The following TMEM132C variants were observed in gnomAD, a reference collection of about 807,000 sequenced individuals.
TMEM132C encodes protein phosphatase 1, regulatory subunit 152.
A neutral mutation model predicts 61.4 loss-of-function variants in TMEM132C; 29 were observed. The observed-to-expected ratio is 0.47, with a 90% CI of 0.35 to 0.64. TMEM132C has a LOEUF of 0.64. TMEM132C is among the 30% of genes least tolerant of loss of function. TMEM132C has a pLI of 0.00. For synonymous variants in TMEM132C, 656 were observed against 633.1 expected (o/e 1.04, Z -0.54); for missense variants, 1,408 against 1,476.9 (o/e 0.95, Z 0.76).
At chr12:128,659,244 C>T (rs1026165437) in intron 4 of TMEM132C, among the ~76,000 whole-genome samples, 1 of 152,062 alleles carries the variant, frequency 6.6e-6, no homozygotes, top group Non-Finnish European at 1.5e-5. Context: ...TAAAAACTTG[C>T]CATGGACAGG....
intron 1 of TMEM132C, among the ~76,000 whole-genome samples, chr12:128,321,723 G>C (rs1872341406): frequency 6.6e-6 from 1 of 152,216 alleles, no homozygotes. Flanking sequence ...CTATTATTTT[G>C]TAAGATGTCA....
At chr12:128,403,917 G>C (rs1875251355) in intron 1 of TMEM132C, among the ~76,000 whole-genome samples, 1 of 152,192 alleles carries the variant, frequency 6.6e-6, no homozygotes. Context: ...GATCAAGTTA[G>C]ATCAGGGTTT....
chr12:128,385,836 G>A lies in TMEM132C; in HGVS notation c.86-28896G>A, dbSNP rs188781476. Among the ~76,000 whole-genome samples the A allele has an allele frequency of 4.3e-3, 655 of 152,282 alleles. 1 individual carries two copies. Among genetic ancestry groups the A allele is most frequent in the Non-Finnish European group, 7.8e-3 (529 of 68,010 alleles). ...TCTGCGGCTCTGATTTGCCGCAGCC[G>A]CAAGTGAGAGTCATACACCAGTGAC... On this transcript the variant is annotated intron_variant, in intron 1 of 8. Transcript: ENST00000435159.
chr12:128,661,209 C>G (rs1015667410), intron 4 of TMEM132C, among the ~76,000 whole-genome samples: 20 of 152,216 alleles, frequency 1.3e-4, no homozygotes, highest in African/African-American at 4.3e-4. Flanking sequence ...TTCAGGGAAG[C>G]CTCAGCTCTG....
intron 1 of TMEM132C, among the ~76,000 whole-genome samples, chr12:128,397,877 C>T (rs879492561): frequency 8.5e-5 from 13 of 152,124 alleles, no homozygotes; most frequent in Non-Finnish European, 1.3e-4. Context: ...CAGCCTCCCA[C>T]GAGTTTGATA....
At chr12:128,453,691 G>A (rs529280714) in intron 2 of TMEM132C, among the ~76,000 whole-genome samples, 5 of 152,332 alleles carry the variant, frequency 3.3e-5, no homozygotes, top group East Asian at 3.9e-4. Context: ...GCAAACCAGC[G>A]CATGCAGGTT....
At chr12:128,481,454 C>G (rs1593068894) in intron 2 of TMEM132C, among the ~76,000 whole-genome samples, 1 of 152,228 alleles carries the variant, frequency 6.6e-6, no homozygotes, top group East Asian at 1.9e-4. Flanking sequence ...TTCCAGGGTG[C>G]TTGCCTGTCC....
chr12:128,456,278 CT>C (rs1275399780), intron 2 of TMEM132C, among the ~76,000 whole-genome samples: 1 of 147,940 alleles, frequency 6.8e-6, no homozygotes, highest in African/African-American at 2.5e-5. Context: ...TTTGCGTGGA[CT>C]TTTCTTGTTT....
chr12:128,377,699 C>G (rs1874241400), intron 1 of TMEM132C, among the ~76,000 whole-genome samples: 1 of 152,196 alleles, frequency 6.6e-6, no homozygotes, highest in African/African-American at 2.4e-5. Context: ...GGACACACCC[C>G]AGCATGTTTG....
At chr12:128,288,245 A>G (rs765859533) in intron 1 of TMEM132C, 2 of 151,796 alleles carry the variant, frequency 1.3e-5, no homozygotes, top group Non-Finnish European at 2.9e-5. Context: ...TTTAGTGGAG[A>G]TGGGGTTTCT....
At chr12:128,383,042 G>T (rs1874458718) in intron 1 of TMEM132C, among the ~76,000 whole-genome samples, 1 of 152,044 alleles carries the variant, frequency 6.6e-6, no homozygotes, top group African/African-American at 2.4e-5. Context: ...GTCTGTGTGT[G>T]TGCACGTGAG....
Position 128,551,385 on chromosome 12 carries a change from T to C in TMEM132C, c.1121+7282T>C, listed in dbSNP as rs144988661. The stretch of plus-strand genomic sequence containing the variant: ...CCTGAAACCATCTGTCTATAAACAC[T>C]CAGACCCAGGAAGACAGCTAGCACC... On this transcript the variant is annotated intron_variant, in intron 3 of 8. Transcript: ENST00000435159. Among the ~76,000 whole-genome samples, 280 of 152,094 alleles carry C rather than the reference T, an allele frequency of 1.8e-3. 2 individuals carry two copies. The highest frequency in any genetic ancestry group is 6.4e-3 in the African/African-American group (265 of 41,476).
At chr12:128,414,565 AG>A (rs1868686173) in intron 1 of TMEM132C, among the ~76,000 whole-genome samples, 166 bp from the exon 2 acceptor site, 1 of 152,196 alleles carries the variant, frequency 6.6e-6, no homozygotes, top group South Asian at 2.1e-4. Context: ...TGGACCATGT[AG>A]AATCGTTTAA....
chr12:128,509,274 C>A (rs1872492870), intron 2 of TMEM132C, among the ~76,000 whole-genome samples: 1 of 151,940 alleles, frequency 6.6e-6, no homozygotes, highest in Non-Finnish European at 1.5e-5. Context: ...GCTTTGAGTA[C>A]CTCAGTGTTT....
chr12:128,485,394 C>T (rs1871453019), intron 2 of TMEM132C, among the ~76,000 whole-genome samples: 1 of 152,162 alleles, frequency 6.6e-6, no homozygotes, highest in Non-Finnish European at 1.5e-5. Context: ...CCAGGCTGGT[C>T]TCGAACTCCT....
intron 1 of TMEM132C, among the ~76,000 whole-genome samples, chr12:128,399,422 A>C (rs778061344): frequency 4.6e-5 from 7 of 152,222 alleles, no homozygotes; most frequent in Admixed American, 6.5e-5. Flanking sequence ...CAATAGATAC[A>C]GCGAAACATT....
chr12:128,334,948 G>A (rs1872757893), intron 1 of TMEM132C, among the ~76,000 whole-genome samples: 1 of 152,090 alleles, frequency 6.6e-6, no homozygotes, highest in East Asian at 1.9e-4. Flanking sequence ...TCCTTTCAAT[G>A]TTACTTTGGC....
intron 3 of TMEM132C, among the ~76,000 whole-genome samples, chr12:128,584,789 G>C (rs902329423): frequency 6.6e-6 from 1 of 152,194 alleles, no homozygotes. Flanking sequence ...GTGCTCCACT[G>C]GGCGAGGGCC....
intron 3 of TMEM132C, among the ~76,000 whole-genome samples, chr12:128,569,962 T>C (rs945923727): frequency 2.0e-5 from 3 of 152,248 alleles, no homozygotes; most frequent in Admixed American, 2.0e-4. Flanking sequence ...CCTGGATTCT[T>C]TCTTTCTTCA....
Sources: allele counts gnomAD v4.1 joint callset (sites outside exome capture counted in the v4.1 genomes callset), GRCh38; gene constraint gnomAD v4.1.1; transcripts MANE v1.5; gene names NCBI Gene and HGNC (gene_info 2026-07-23, HGNC 2026-07-21).